UMODL1: variants seen among roughly 807,000 people sequenced by gnomAD.
UMODL1 encodes the protein uromodulin like 1.
In UMODL1, 128 loss-of-function variants were observed where a neutral mutation model predicts 136.3. That is an observed-to-expected ratio of 0.94 (90% CI 0.81 to 1.09). The LOEUF (loss-of-function observed/expected upper bound fraction) is 1.09. Ranked by LOEUF, UMODL1 falls within the 50% of genes least tolerant of loss-of-function variation. The probability of loss-of-function intolerance (pLI) is 0.00; values close to 1 mark genes in which losing one functional copy is unlikely to be tolerated. For synonymous variants in UMODL1, 721 were observed against 720.0 expected (o/e 1.00, Z -0.02); for missense variants, 1,766 against 1,725.6 (o/e 1.02, Z -0.41).
intron 2 of UMODL1, 35 bp downstream of exon 2, chr21:42,076,282 C>T (rs573501015): frequency 1.9e-6 from 3 of 1,608,866 alleles, no homozygotes; most frequent in Non-Finnish European, 2.6e-6. Context: ...GGCGGGGCCA[C>T]CCTTGCCGTC....
At chr21:42,130,245 TGC>T (rs1555933416) in intron 21 of UMODL1, among the ~76,000 whole-genome samples, 2 of 151,852 alleles carry the variant, frequency 1.3e-5, no homozygotes, top group Admixed American at 6.6e-5. Flanking sequence ...TGTGTGTGTG[TGC>T]GTGCACACGA....
intron 4 of UMODL1, chr21:42,086,737 A>G (rs1048824906): frequency 8.0e-5 from 34 of 426,162 alleles, no homozygotes; most frequent in Non-Finnish European, 1.5e-4. Flanking sequence ...AGGCCGAGGC[A>G]GGCGGATCAC....
In UMODL1 at chr21:42,114,404, T is replaced by C. The variant is rs114003295; in HGVS notation, c.2362+574T>C. On this transcript the variant is annotated intron_variant, in intron 13 of 22. Coordinates refer to ENST00000408910, the MANE Select transcript of UMODL1 (RefSeq NM_001004416.3). The stretch of plus-strand genomic sequence containing the variant: ...CTTTTCATTAGCATCGCTACCTGGG[T>C]ATTTTCTTATGTGTACCTTACCTGG... 4.0e-3 allele frequency among the ~76,000 whole-genome samples: 602 copies of C among 152,330 alleles called. 4 individuals carry two copies. The highest frequency in any genetic ancestry group is 0.014 in the African/African-American group (570 of 41,580).
At chr21:42,100,112 G>T (rs1405464833) in intron 7 of UMODL1, among the ~76,000 whole-genome samples, 2 of 152,130 alleles carry the variant, frequency 1.3e-5, no homozygotes, top group Non-Finnish European at 2.9e-5. Flanking sequence ...CTGGCTGGTG[G>T]AAGTTCTCCC....
At chr21:42,120,879 G>T in intron 15 of UMODL1, 1 of 522,924 alleles carries the variant, frequency 1.9e-6, no homozygotes. Flanking sequence ...CCTCCTTCCA[G>T]AACAGCCCCT....
In UMODL1 at chr21:42,137,570, A is replaced by ATTC. The variant is rs1601290428; in HGVS notation, c.3907_3908insTTC (p.Asn1303delinsIleHis). 6.2e-7 allele frequency: 1 copy of ATTC among 1,614,094 alleles called. No individual in the cohort carries two copies. The highest frequency in any genetic ancestry group is 1.3e-5 in the African/African-American group (1 of 74,946). On this transcript the variant is annotated protein_altering_variant, in exon 22 of 23. Coordinates refer to ENST00000408910, the MANE Select transcript of UMODL1 (RefSeq NM_001004416.3). The stretch of plus-strand genomic sequence containing the variant: ...CTACCAGAGAATGAATGGGAGATAC[A>ATTC]ACTTTAAAATCCAGTCCAACAACTT...
intron 2 of UMODL1, among the ~76,000 whole-genome samples, chr21:42,077,177 C>T (rs1335028201): frequency 1.3e-5 from 2 of 151,788 alleles, no homozygotes; most frequent in South Asian, 2.1e-4. Context: ...GTGGCTCCAG[C>T]TTGGTGTTGG....
At position 42,123,749 on chromosome 21, in the gene UMODL1, C is replaced by T. The variant is rs764128346; in HGVS notation, c.3147+599C>T. On this transcript the variant is annotated intron_variant, in intron 17 of 22. Coordinates refer to ENST00000408910, the MANE Select transcript of UMODL1 (RefSeq NM_001004416.3). The surrounding 1 kb of genome is among the most constrained non-coding windows in gnomAD (Gnocchi z 4.4). ...GTCTATGTGCATGTGTGCATGTGTG[C>T]GTGAGTTGAGCATGTGTGGATGCGT... 1.3e-4 allele frequency among the ~76,000 whole-genome samples: 20 copies of T among 151,992 alleles called. No individual in the cohort carries two copies. The highest frequency in any genetic ancestry group is 2.0e-4 in the Admixed American group (3 of 15,268).
chr21:42,088,356 C>T lies in UMODL1; in HGVS notation c.666C>T (p.Asn222=), dbSNP rs571781846. Residue 222 remains asparagine (N), a synonymous_variant, in exon 5 of 23, where the codon AAC becomes AAT. Transcript: ENST00000408910. ...ACCACCTGCACTCAGCCCCTGGGAA[C>T]GCCTCCACCACAGTGTCGCGGCTGC... is the stretch of plus-strand genomic sequence containing the variant. ...TVHHLHSAPG[N]ASTTVSRLLL... is the part of the protein sequence containing the mutation. 232 of 1,613,926 alleles carry T rather than the reference C, an allele frequency of 1.4e-4. No homozygotes were observed. The highest frequency in any genetic ancestry group is 7.5e-4 in the South Asian group (68 of 91,082).
intron 21 of UMODL1, 146 bp downstream of exon 21, chr21:42,129,943 T>C (rs564120602): frequency 4.9e-6 from 3 of 613,264 alleles, no homozygotes; most frequent in East Asian, 6.2e-5. Context: ...ATACTCATAG[T>C]TAGTATTCAC....
chr21:42,133,888 T>TTTTG (rs1555934295), intron 21 of UMODL1, among the ~76,000 whole-genome samples: 5,303 of 150,706 alleles, frequency 0.035, 145 homozygotes, highest in Middle Eastern at 0.056. Flanking sequence ...ATATATCTGT[T>TTTTG]TTTTGTTTTG....
chr21:42,069,110 T>G (rs528194116), upstream of UMODL1, among the ~76,000 whole-genome samples: 93 of 152,282 alleles, frequency 6.1e-4, no homozygotes, highest in African/African-American at 1.9e-3. Context: ...GTTGTTTTTC[T>G]CCTCAGAGTG....
chr21:42,124,216 G>A (rs1190031765), intron 17 of UMODL1, among the ~76,000 whole-genome samples: 1 of 152,230 alleles, frequency 6.6e-6, no homozygotes, highest in African/African-American at 2.4e-5. Flanking sequence ...CTGCTTGGGG[G>A]ACAAGAGGAG....
In UMODL1 at chr21:42,099,173, CA is replaced by C; in HGVS notation, c.1183del (p.Thr395ProfsTer10). The C allele has an allele frequency of 1.9e-6, 3 of 1,611,396 alleles. No homozygotes were observed. The highest frequency in any genetic ancestry group is 8.5e-7 in the Non-Finnish European group (1 of 1,178,954). The stretch of plus-strand genomic sequence containing the variant: ...CCGACGTCTCCACCACGCTGACCAT[CA>C]AAACCAGTAAGGCCCCCAGTCAGAG... Reference protein sequence around the residue: ...GADVSTTLTIKTNAQVFEVTI... With the variant: ...GADVSTTLTIXTNAQVFEVTI... On this transcript the variant is annotated frameshift_variant, in exon 7 of 23. Coordinates refer to ENST00000408910, the MANE Select transcript of UMODL1 (RefSeq NM_001004416.3). LOFTEE classifies it high-confidence loss of function. The surrounding 1 kb of genome is among the most constrained non-coding windows in gnomAD (Gnocchi z 4.1).
intron 21 of UMODL1, among the ~76,000 whole-genome samples, chr21:42,132,415 C>T (rs1184990654): frequency 6.6e-6 from 1 of 151,924 alleles, no homozygotes; most frequent in South Asian, 2.1e-4. Flanking sequence ...TCCAACCATA[C>T]ATTCATCTGT....
chr21:42,112,808 T>C (rs1255702581), intron 12 of UMODL1: 2 of 141,116 alleles, frequency 1.4e-5, no homozygotes, highest in Non-Finnish European at 3.1e-5. Flanking sequence ...AAGTGTTCTG[T>C]ACCCCCATCT....
intron 21 of UMODL1, among the ~76,000 whole-genome samples, chr21:42,132,313 T>TCATC (rs1300571868): frequency 1.3e-5 from 2 of 151,874 alleles, no homozygotes; most frequent in Non-Finnish European, 2.9e-5. Context: ...CACTCATCTA[T>TCATC]CATCCATCCA....
At chr21:42,111,293 C>T (rs220127) in intron 11 of UMODL1, 172 bp downstream of exon 11, 3 of 1,577,712 alleles carry the variant, frequency 1.9e-6, no homozygotes, top group African/African-American at 1.4e-5. Context: ...CCCCAGCCAG[C>T]GGAGCACCAG....
chr21:42,071,687 G>T (rs1239665571), intron 1 of UMODL1, among the ~76,000 whole-genome samples: 1 of 152,040 alleles, frequency 6.6e-6, no homozygotes, highest in Non-Finnish European at 1.5e-5. Context: ...CAGCAGGTCT[G>T]GGGTGCAGGG....
Sources: gnomAD v4.1 joint callset for allele counts (sites outside exome capture counted in the v4.1 genomes callset) on GRCh38, gnomAD v4.1.1 for gene constraint, Gnocchi (gnomAD v3.1) non-coding constraint, MANE v1.5 for transcripts, NCBI Gene and HGNC (gene_info 2026-07-23, HGNC 2026-07-21) for gene names.